The following SCUBE1 variants were observed in gnomAD, a reference collection of about 807,000 sequenced individuals.
SCUBE1 encodes the protein signal peptide, CUB and EGF-like domain-containing protein 1.
SCUBE1 carries 59 observed loss-of-function variants against 124.4 expected under a neutral mutation model. That is an observed-to-expected ratio of 0.47 (90% CI 0.38 to 0.59). The LOEUF (loss-of-function observed/expected upper bound fraction) is 0.59, where lower values mean the gene tolerates loss of function less well. SCUBE1 is among the 20% of genes least tolerant of loss of function. The probability of loss-of-function intolerance (pLI) is 0.00; values close to 1 mark genes in which losing one functional copy is unlikely to be tolerated. For synonymous variants in SCUBE1, 545 were observed against 550.9 expected, an observed-to-expected ratio of 0.99 and a Z score of 0.15; for missense variants, 1,150 against 1,371.2, an observed-to-expected ratio of 0.84 and a Z score of 2.55.
At chr22:43,219,299 T>C (rs190429408) in intron 14 of SCUBE1, among the ~76,000 whole-genome samples, 26 of 152,202 alleles carry the variant, frequency 1.7e-4, no homozygotes, top group African/African-American at 4.8e-4. Context: ...ACTCTTGCTA[T>C]GTGATGCCAG....
Position 43,255,521 on chromosome 22 carries a change from C to T in SCUBE1, c.727+2698G>A. 6.4e-7 allele frequency: 1 copy of T among 1,550,650 alleles called. No individual in the cohort carries two copies. Among genetic ancestry groups the T allele is most frequent in the Non-Finnish European group, 8.7e-7 (1 of 1,147,010 alleles). ...AGCCGCCGTTTCACCCGCTTGTCCA[C>T]ATCAGCTACTGACGTGGCATTGAAC... On this transcript the variant is annotated intron_variant, in intron 6 of 21. Transcript: ENST00000360835. The surrounding 1 kb of genome is among the most constrained non-coding windows in gnomAD (Gnocchi z 4.7).
Position 43,204,166 on chromosome 22 carries a change from G to A in SCUBE1, c.2815-17C>T. 2 of 1,613,536 alleles carry A rather than the reference G, an allele frequency of 1.2e-6. No homozygotes were observed. Among genetic ancestry groups the A allele is most frequent in the Non-Finnish European group, 1.7e-6 (2 of 1,179,754 alleles). On this transcript the variant is annotated splice_polypyrimidine_tract_variant and intron_variant, in intron 21 of 21. Transcript: ENST00000360835. ...CTTCTTGTCCTGTAAGATAGAGTGGGTGGGAGGCAGGGGAGGCTTGGGGCC... is the reference window on the plus strand; with the variant it reads ...CTTCTTGTCCTGTAAGATAGAGTGGATGGGAGGCAGGGGAGGCTTGGGGCC...
At chr22:43,291,672 A>G (rs4822276) in intron 3 of SCUBE1, among the ~76,000 whole-genome samples, 21,957 of 152,156 alleles carry the variant, frequency 0.14, 1,903 homozygotes, top group African/African-American at 0.23. Context: ...GCGGGACTCC[A>G]TGGTGATGCT....
intron 3 of SCUBE1, among the ~76,000 whole-genome samples, chr22:43,306,544 G>A (rs1925976004): frequency 6.6e-6 from 1 of 152,104 alleles, no homozygotes; most frequent in Non-Finnish European, 1.5e-5. Context: ...ATGGGATCAC[G>A]AACACACACT....
intron 4 of SCUBE1, among the ~76,000 whole-genome samples, chr22:43,265,213 G>A (rs928378695): frequency 3.9e-5 from 6 of 152,200 alleles, no homozygotes; most frequent in African/African-American, 7.2e-5. Flanking sequence ...CTCCCTCGTC[G>A]TGGACTTGCC....
chr22:43,301,801 T>C (rs1925782126), intron 3 of SCUBE1, among the ~76,000 whole-genome samples: 1 of 152,248 alleles, frequency 6.6e-6, no homozygotes. Flanking sequence ...ACATGATGTA[T>C]GTCTGCGGAC....
At chr22:43,252,335 C>A (rs1365199847) in intron 6 of SCUBE1, among the ~76,000 whole-genome samples, 11 of 152,228 alleles carry the variant, frequency 7.2e-5, no homozygotes, top group Admixed American at 7.2e-4. Flanking sequence ...GTGGCTGGAA[C>A]CCTTAGCCCC....
chr22:43,292,849 G>A (rs1010659005), intron 3 of SCUBE1, among the ~76,000 whole-genome samples: 13 of 152,220 alleles, frequency 8.5e-5, no homozygotes, highest in African/African-American at 2.2e-4. Flanking sequence ...AATGTCAGCC[G>A]TGTGGGCAGT....
At chr22:43,208,573 G>T (rs1272603699) in intron 19 of SCUBE1, among the ~76,000 whole-genome samples, 1 of 152,174 alleles carries the variant, frequency 6.6e-6, no homozygotes, top group Non-Finnish European at 1.5e-5. Context: ...GCTCCTCGGT[G>T]ACAGGGCTCA....
chr22:43,267,376 C>T (rs983074123), intron 4 of SCUBE1, among the ~76,000 whole-genome samples: 5 of 152,270 alleles, frequency 3.3e-5, no homozygotes, highest in South Asian at 2.1e-4. Flanking sequence ...CCCCCTATTT[C>T]GGAACAGATG....
At chr22:43,339,747 CCAA>C (rs1927229031) in intron 1 of SCUBE1, among the ~76,000 whole-genome samples, 2 of 91,646 alleles carry the variant, frequency 2.2e-5, no homozygotes, top group African/African-American at 8.4e-5. Context: ...AAGCATAGCT[CCAA>C]CCCTCCCCCC....
chr22:43,263,511 C>T (rs755595605), intron 4 of SCUBE1, among the ~76,000 whole-genome samples: 7 of 152,304 alleles, frequency 4.6e-5, no homozygotes, highest in East Asian at 1.9e-4. Flanking sequence ...GAAGCCGGCT[C>T]GGGGAGCGGC....
In SCUBE1 at chr22:43,210,002, G is replaced by A. The variant is rs1480670842; in HGVS notation, c.2581+41C>T. On this transcript the variant is annotated intron_variant, in intron 19 of 21. Transcript: ENST00000360835. The surrounding 1 kb of genome is among the most constrained non-coding windows in gnomAD (Gnocchi z 4.5). The stretch of plus-strand genomic sequence containing the variant: ...ACCGCAGCGAGACGGGGGTGCACAC[G>A]CAGCTGAGGCTGCCTCTGGTCCCCT... The A allele has an allele frequency of 3.2e-6, 5 of 1,545,178 alleles. No homozygotes were observed. Among genetic ancestry groups the A allele is most frequent in the African/African-American group, 1.4e-5 (1 of 72,710 alleles).
At chr22:43,271,578 C>A (rs1308841598) in intron 4 of SCUBE1, among the ~76,000 whole-genome samples, 17 of 152,190 alleles carry the variant, frequency 1.1e-4, no homozygotes, top group Admixed American at 3.9e-4. Context: ...GAGTGGCACA[C>A]TGAGAGCCTC....
intron 21 of SCUBE1, among the ~76,000 whole-genome samples, chr22:43,205,597 C>T (rs1383753205): frequency 6.6e-6 from 1 of 150,970 alleles, no homozygotes; most frequent in African/African-American, 2.4e-5. Context: ...CACACACCCA[C>T]TCACCACACA....
rs546161418 is a variant in SCUBE1, at chr22:43,333,863, G to A, written c.220+5241C>T. 3.3e-5 allele frequency among the ~76,000 whole-genome samples: 5 copies of A among 152,294 alleles called. No homozygotes were observed. In the East Asian group the frequency reaches 7.7e-4, roughly 24 times the overall value. The stretch of plus-strand genomic sequence containing the variant: ...GGAAGGCATAGTCCCTATCTGGTAG[G>A]GTTCTTGAGAGGATTAAATGAGATC... On this transcript the variant is annotated intron_variant, in intron 2 of 21. Transcript: ENST00000360835.
intron 6 of SCUBE1, among the ~76,000 whole-genome samples, chr22:43,247,559 AAGCTGGG>A (rs1341024895): frequency 6.6e-6 from 1 of 151,974 alleles, no homozygotes; most frequent in East Asian, 1.9e-4. Flanking sequence ...TCGCCTCAGG[AAGCTGGG>A]AGCTGCTGGG....
In SCUBE1 at chr22:43,210,607, C is replaced by A. The variant is rs1921504418; in HGVS notation, c.2383+315G>T. On this transcript the variant is annotated intron_variant, in intron 18 of 21. Transcript: ENST00000360835. The surrounding 1 kb of genome is among the most constrained non-coding windows in gnomAD (Gnocchi z 4.5). The stretch of plus-strand genomic sequence containing the variant: ...CCCTGTCAGTGCCCCTGTAGGCTGT[C>A]AGCCCCCCCAGCAGACCCAGAAACT... Among the ~76,000 whole-genome samples, 2 of 152,204 alleles carry A rather than the reference C, an allele frequency of 1.3e-5. No homozygotes were observed. Among genetic ancestry groups the A allele is most frequent in the Non-Finnish European group, 2.9e-5 (2 of 68,024 alleles).
intron 2 of SCUBE1, among the ~76,000 whole-genome samples, chr22:43,324,029 A>G (rs1246943665): frequency 1.3e-5 from 2 of 152,224 alleles, no homozygotes; most frequent in African/African-American, 4.8e-5. Context: ...GATGTAATCC[A>G]ACTGGCTATT....
Sources: allele counts gnomAD v4.1 joint callset (sites outside exome capture counted in the v4.1 genomes callset), GRCh38; gene constraint gnomAD v4.1.1; non-coding constraint Gnocchi (gnomAD v3.1); transcripts MANE v1.5; gene names NCBI Gene and HGNC (gene_info 2026-07-23, HGNC 2026-07-21).